Variants in ICA1 observed in about 807,000 individuals in gnomAD.
ICA1 encodes 69 kDa islet cell autoantigen.
Under a neutral mutation model 71.0 loss-of-function variants are expected in ICA1, and 40 were observed. The ratio of observed to expected loss-of-function variants is 0.56; its 90% CI spans 0.44 to 0.73. ICA1 has a LOEUF of 0.73. Among genes scored for constraint, ICA1 ranks in the 30% least tolerant of loss-of-function variants. The pLI is 0.00. For synonymous variants in ICA1, 207 were observed against 209.5 expected, an observed-to-expected ratio of 0.99 and a Z score of 0.10; for missense variants, 578 against 576.5, an observed-to-expected ratio of 1.00 and a Z score of -0.03.
intron 8 of ICA1, among the ~76,000 whole-genome samples, chr7:8,151,267 C>CAT (rs1245153127): frequency 2.0e-5 from 3 of 152,216 alleles, no homozygotes; most frequent in Non-Finnish European, 4.4e-5. Context: ...GGAGAAGCAA[C>CAT]ATGCCATTGT....
intron 1 of ICA1, among the ~76,000 whole-genome samples, chr7:8,261,792 G>C (rs900100489): frequency 8.5e-5 from 13 of 152,144 alleles, no homozygotes; most frequent in African/African-American, 3.1e-4. Flanking sequence ...TGCTCCCAGC[G>C]CTGGGGCCGG....
intron 8 of ICA1, among the ~76,000 whole-genome samples, chr7:8,156,245 A>G (rs935596356): frequency 6.6e-6 from 1 of 152,254 alleles, no homozygotes; most frequent in African/African-American, 2.4e-5. Flanking sequence ...AATGGTTTAA[A>G]GCAAAAGAAA....
rs1000834666 is a variant in ICA1 at position 8,132,413 on chromosome 7, C to T, written c.1061-4271G>A. ...TTTCAAGTTACTGTTCTGGTTTCTT[C>T]TTCCTTCCACAACCACATACTCTAC... On this transcript the variant is annotated intron_variant, in intron 12 of 13. Transcript: ENST00000402384. This position sits in a 1 kb window ranked among gnomAD's most constrained non-coding sequence, Gnocchi z 4.5. Among the ~76,000 whole-genome samples the T allele has an allele frequency of 2.0e-5, 3 of 152,168 alleles. No individual in the cohort carries two copies. The highest frequency in any genetic ancestry group is 4.4e-5 in the Non-Finnish European group (3 of 68,032).
rs367642538 is a variant in ICA1, at chr7:8,120,936, C to T, written c.1331-6892G>A. On this transcript the variant is annotated intron_variant, in intron 13 of 13. Transcript: ENST00000402384. ...CCTGGAGAGCTCTGCGGTGGGGCTG[C>T]CCGTGAAGGGGAGAGTGGGAACACC... 2.8e-3 allele frequency among the ~76,000 whole-genome samples: 429 copies of T among 152,294 alleles called. 2 individuals are homozygous for T. The highest frequency in any genetic ancestry group is 0.01 in the Middle Eastern group (3 of 294).
chr7:8,113,969 T>C lies in ICA1; in HGVS notation c.1406A>G (p.Asp469Gly), dbSNP rs1337279368. The change falls in exon 14 of 14, where the codon GAT becomes GGT. Residue 469 changes from aspartate to glycine, a missense_variant. Physicochemically the swap from Asp to Gly is moderately conservative, Grantham distance 94. Transcript: ENST00000402384. This position sits in a 1 kb window ranked among gnomAD's most constrained non-coding sequence, Gnocchi z 4.2. ...FADLDPLSNP[D>G]AVGKTDKEHE... ...TTCTTTATCGGTTTTCCCAACAGCA[T>C]CAGGATTTGAGAGTGGGTCGAGGTC... 4 of 1,614,124 alleles carry C rather than the reference T, an allele frequency of 2.5e-6. No individual in the cohort carries two copies. The highest frequency in any genetic ancestry group is 3.4e-6 in the Non-Finnish European group (4 of 1,180,010).
chr7:8,156,980 T>C, intron 8 of ICA1, 136 bp downstream of exon 8: 1 of 1,563,980 alleles, frequency 6.4e-7, no homozygotes, highest in Non-Finnish European at 8.7e-7. Flanking sequence ...AGAAAAAGAC[T>C]CTGCTGGGGG....
intron 6 of ICA1, among the ~76,000 whole-genome samples, chr7:8,160,201 T>C (rs1803247359): frequency 6.6e-6 from 1 of 152,200 alleles, no homozygotes. Flanking sequence ...TTTTATTTTC[T>C]AATAAAAATA....
chr7:8,205,303 A>G (rs1007612984), intron 6 of ICA1, among the ~76,000 whole-genome samples: 13 of 152,284 alleles, frequency 8.5e-5, no homozygotes, highest in African/African-American at 3.1e-4. Context: ...TTTAAAATTA[A>G]AGATGTTTTC....
Position 8,234,890 on chromosome 7 carries a change from G to A in ICA1, c.17+1020C>T, listed in dbSNP as rs1237845144. Reference sequence around the variant, plus strand: ...CCATAGAATGGATTTCTTTGGCCGGGCGCGGTGGCTCATGCCTGTAATCCC... The same window carrying A: ...CCATAGAATGGATTTCTTTGGCCGGACGCGGTGGCTCATGCCTGTAATCCC... On this transcript the variant is annotated intron_variant, in intron 2 of 13. Coordinates refer to ENST00000402384, the MANE Select transcript of ICA1 (RefSeq NM_001136020.3). The surrounding 1 kb of genome is among the most constrained non-coding windows in gnomAD (Gnocchi z 4.5). Among the ~76,000 whole-genome samples, 1 of 152,214 alleles carries A rather than the reference G, an allele frequency of 6.6e-6. No individual in the cohort carries two copies. The highest frequency in any genetic ancestry group is 1.5e-5 in the Non-Finnish European group (1 of 68,042).
At chr7:8,121,656 A>G (rs1262698230) in intron 13 of ICA1, among the ~76,000 whole-genome samples, 2 of 152,234 alleles carry the variant, frequency 1.3e-5, no homozygotes, top group African/African-American at 4.8e-5. Context: ...ACAAAAATAT[A>G]GTTAGATAGA....
chr7:8,169,533 C>T (rs1400923437), intron 6 of ICA1, among the ~76,000 whole-genome samples: 6 of 152,122 alleles, frequency 3.9e-5, no homozygotes, highest in East Asian at 1.9e-4. Context: ...TTGGCATTTT[C>T]GGTCTTTTAA....
chr7:8,210,300 T>C (rs1371077749), intron 6 of ICA1, among the ~76,000 whole-genome samples: 2 of 152,216 alleles, frequency 1.3e-5, no homozygotes, highest in Non-Finnish European at 2.9e-5. Context: ...AGGATCAGCC[T>C]CTAGCTTGGG....
intron 6 of ICA1, among the ~76,000 whole-genome samples, chr7:8,171,605 C>T (rs569471517): frequency 6.6e-6 from 1 of 151,732 alleles, no homozygotes; most frequent in African/African-American, 2.4e-5. Context: ...CTATTGTTTT[C>T]TGTTTATGGT....
chr7:8,226,353 T>C lies in ICA1; in HGVS notation c.256+2248A>G, dbSNP rs1247540922. Among the ~76,000 whole-genome samples, 6 of 152,154 alleles carry C rather than the reference T, an allele frequency of 3.9e-5. No individual in the cohort carries two copies. The highest frequency in any genetic ancestry group is 8.8e-5 in the Non-Finnish European group (6 of 68,034). ...CAGGCTTGCTCTCTAGATATAGATA[T>C]AGATATAGATGGTAAAATGTGATGC... On this transcript the variant is annotated intron_variant, in intron 4 of 13. Coordinates refer to ENST00000402384, the MANE Select transcript of ICA1 (RefSeq NM_001136020.3). This position sits in a 1 kb window ranked among gnomAD's most constrained non-coding sequence, Gnocchi z 4.4.
intron 6 of ICA1, among the ~76,000 whole-genome samples, chr7:8,199,587 G>T (rs1243256544): frequency 6.6e-6 from 1 of 152,090 alleles, no homozygotes; most frequent in East Asian, 1.9e-4. Flanking sequence ...GGTGACAGGT[G>T]CCTGTAATCC....
intron 6 of ICA1, among the ~76,000 whole-genome samples, chr7:8,187,824 T>G (rs910341623): frequency 1.3e-5 from 2 of 152,362 alleles, no homozygotes; most frequent in African/African-American, 4.8e-5. Context: ...ACAGATTTAG[T>G]ATCATCAAGA....
intron 12 of ICA1, 96 bp downstream of exon 12, chr7:8,138,744 G>T: frequency 9.5e-7 from 1 of 1,052,532 alleles, no homozygotes; most frequent in Non-Finnish European, 1.4e-6. Flanking sequence ...GGAATGCAAA[G>T]CTATTAAAAA....
chr7:8,231,753 A>C (rs150813970), intron 3 of ICA1, among the ~76,000 whole-genome samples: 1 of 152,240 alleles, frequency 6.6e-6, no homozygotes, highest in African/African-American at 2.4e-5. Context: ...CTTAGAATCA[A>C]TCTCATCCCT....
At chr7:8,248,936 C>T (rs1257254309) in intron 1 of ICA1, among the ~76,000 whole-genome samples, 1 of 152,208 alleles carries the variant, frequency 6.6e-6, no homozygotes, top group African/African-American at 2.4e-5. Flanking sequence ...TGTCAACTGT[C>T]AGTCATTTTT....
Sources: allele counts gnomAD v4.1 joint callset (sites outside exome capture counted in the v4.1 genomes callset), GRCh38; gene constraint gnomAD v4.1.1; non-coding constraint Gnocchi (gnomAD v3.1); transcripts MANE v1.5; gene names NCBI Gene and HGNC (gene_info 2026-07-23, HGNC 2026-07-21).